The following HS3ST4 variants were observed in gnomAD, a reference collection of about 807,000 sequenced individuals.
HS3ST4 encodes heparan sulfate glucosamine 3-O-sulfotransferase 4.
HS3ST4 carries 17 observed loss-of-function variants against 29.2 expected under a neutral mutation model. The ratio of observed to expected loss-of-function variants is 0.58; its 90% CI spans 0.40 to 0.87. The LOEUF (loss-of-function observed/expected upper bound fraction) is 0.87. Among genes scored for constraint, HS3ST4 ranks in the 40% least tolerant of loss-of-function variants. The pLI, the probability that HS3ST4 is intolerant of heterozygous loss-of-function variation, is 0.00. For synonymous variants in HS3ST4, 314 were observed against 285.7 expected (o/e 1.10, Z -1.00); for missense variants, 627 against 634.5 (o/e 0.99, Z 0.13).
At chr16:26,075,806 G>A (rs1898655416) in intron 1 of HS3ST4, among the ~76,000 whole-genome samples, 1 of 152,136 alleles carries the variant, frequency 6.6e-6, no homozygotes, top group Non-Finnish European at 1.5e-5. Flanking sequence ...TTCAATACTA[G>A]AAAGAATACA....
chr16:26,094,741 CA>C (rs1271458979), intron 1 of HS3ST4, among the ~76,000 whole-genome samples: 1 of 152,166 alleles, frequency 6.6e-6, no homozygotes, highest in Non-Finnish European at 1.5e-5. Context: ...ATCATAATGA[CA>C]GGATCAAATT....
intron 1 of HS3ST4, among the ~76,000 whole-genome samples, chr16:25,731,335 T>C (rs1966568745): frequency 6.6e-6 from 1 of 152,254 alleles, no homozygotes; most frequent in East Asian, 1.9e-4. Flanking sequence ...ACAAAGATAC[T>C]CTTATTTTTT....
chr16:25,828,243 TC>T (rs377577921), intron 1 of HS3ST4, among the ~76,000 whole-genome samples: 1,180 of 22,518 alleles, frequency 0.052, 78 homozygotes, highest in South Asian at 0.13. Context: ...TCTTTCTTTC[TC>T]TTTCTTTCTT....
chr16:25,954,608 C>A (rs915965055), intron 1 of HS3ST4, among the ~76,000 whole-genome samples: 3 of 152,166 alleles, frequency 2.0e-5, no homozygotes, highest in African/African-American at 7.2e-5. Context: ...ATTTAGAAAT[C>A]TTATTTTATA....
In HS3ST4 at chr16:25,698,106, T is replaced by A. The variant is rs529890281; in HGVS notation, c.734+4955T>A. 4.6e-5 allele frequency among the ~76,000 whole-genome samples: 7 copies of A among 152,074 alleles called. No individual in the cohort carries two copies. The East Asian group carries it at 7.7e-4, about 17-fold the overall frequency. Reference sequence around the variant, plus strand: ...TGTTGGTTATTATTATTTGAAAAAATTTTTTTAAAGACAGGGGTCTCACTT... The same window carrying A: ...TGTTGGTTATTATTATTTGAAAAAAATTTTTTAAAGACAGGGGTCTCACTT... On this transcript the variant is annotated intron_variant, in intron 1 of 1. Coordinates refer to ENST00000331351, the MANE Select transcript of HS3ST4 (RefSeq NM_006040.3).
chr16:25,816,780 G>T (rs2141631189), intron 1 of HS3ST4, among the ~76,000 whole-genome samples: 1 of 152,306 alleles, frequency 6.6e-6, no homozygotes, highest in Admixed American at 6.5e-5. Flanking sequence ...CACACCTGGT[G>T]AGGGCTTTCT....
intron 1 of HS3ST4, among the ~76,000 whole-genome samples, chr16:25,746,297 G>A (rs912228933): frequency 8.5e-5 from 13 of 152,162 alleles, no homozygotes; most frequent in African/African-American, 2.7e-4. Flanking sequence ...GATCAGCCAG[G>A]GAATATGGCT....
At chr16:25,762,962 A>G (rs762850470) in intron 1 of HS3ST4, among the ~76,000 whole-genome samples, 18 of 151,896 alleles carry the variant, frequency 1.2e-4, no homozygotes, top group Non-Finnish European at 2.5e-4. Context: ...ACAGACCCAA[A>G]TCTGCTCAGC....
chr16:25,883,074 G>A (rs994916940), intron 1 of HS3ST4, among the ~76,000 whole-genome samples: 1 of 151,372 alleles, frequency 6.6e-6, no homozygotes, highest in African/African-American at 2.4e-5. Flanking sequence ...ACTGGCCTTG[G>A]CTAAACCAGG....
intron 1 of HS3ST4, among the ~76,000 whole-genome samples, chr16:25,781,241 C>T (rs187204076): frequency 3.9e-5 from 6 of 152,246 alleles, no homozygotes; most frequent in Non-Finnish European, 4.4e-5. Flanking sequence ...CTGGTATCAG[C>T]GCTTTCTGGA....
chr16:25,822,851 C>A (rs1314947330), intron 1 of HS3ST4, among the ~76,000 whole-genome samples: 3 of 152,116 alleles, frequency 2.0e-5, no homozygotes, highest in Non-Finnish European at 2.9e-5. Flanking sequence ...GGTTCTCCTG[C>A]CTCAGCCTCC....
At chr16:26,078,341 G>A (rs1203163694) in intron 1 of HS3ST4, among the ~76,000 whole-genome samples, 1 of 152,032 alleles carries the variant, frequency 6.6e-6, no homozygotes, top group African/African-American at 2.4e-5. Context: ...GTAGAGACAG[G>A]GTTTTACCAT....
intron 1 of HS3ST4, among the ~76,000 whole-genome samples, chr16:26,034,950 T>G (rs995715397): frequency 4.6e-5 from 7 of 152,030 alleles, no homozygotes; most frequent in Non-Finnish European, 1.0e-4. Context: ...CCCACTGCAC[T>G]CCAGCTGAGC....
At chr16:25,736,709 A>G (rs1966612425) in intron 1 of HS3ST4, among the ~76,000 whole-genome samples, 2 of 152,212 alleles carry the variant, frequency 1.3e-5, no homozygotes, top group Admixed American at 1.3e-4. Context: ...TGATCCTTCT[A>G]AATCACCTCC....
chr16:25,911,661 C>T (rs916766759), intron 1 of HS3ST4, among the ~76,000 whole-genome samples: 2 of 151,696 alleles, frequency 1.3e-5, no homozygotes, highest in African/African-American at 4.8e-5. Flanking sequence ...TGGCAGGCAC[C>T]AACATACCTG....
At chr16:25,887,283 C>T (rs1967963254) in intron 1 of HS3ST4, among the ~76,000 whole-genome samples, 1 of 152,030 alleles carries the variant, frequency 6.6e-6, no homozygotes, top group Non-Finnish European at 1.5e-5. Context: ...TTTACTTACA[C>T]CTTTGAGGAA....
At chr16:26,116,723 A>G (rs1010827356) in intron 1 of HS3ST4, among the ~76,000 whole-genome samples, 3 of 152,176 alleles carry the variant, frequency 2.0e-5, no homozygotes, top group Non-Finnish European at 2.9e-5. Context: ...TAACACATTT[A>G]TTTACTTATC....
chr16:26,071,860 C>T (rs1166724632), intron 1 of HS3ST4, among the ~76,000 whole-genome samples: 4 of 152,174 alleles, frequency 2.6e-5, no homozygotes, highest in Non-Finnish European at 5.9e-5. Flanking sequence ...ACCTTTTCTT[C>T]TACCTGTCAT....
chr16:25,826,278 C>A (rs1194058492), intron 1 of HS3ST4: 2 of 152,220 alleles, frequency 1.3e-5, no homozygotes, highest in Non-Finnish European at 2.9e-5. Flanking sequence ...AGTATGGGTG[C>A]AGGTGCCTCT....
Sources: allele counts gnomAD v4.1 joint callset (sites outside exome capture counted in the v4.1 genomes callset), GRCh38; gene constraint gnomAD v4.1.1; transcripts MANE v1.5; gene names NCBI Gene and HGNC (gene_info 2026-07-23, HGNC 2026-07-21).